Variants in FANCD2 observed in about 807,000 individuals in gnomAD.
FANCD2 encodes FA complementation group D2.
Under a neutral mutation model 192.3 loss-of-function variants are expected in FANCD2, and 131 were observed. The ratio of observed to expected loss-of-function variants is 0.68; its 90% confidence interval spans 0.59 to 0.79. The LOEUF (loss-of-function observed/expected upper bound fraction) is 0.79, where lower values mean the gene tolerates loss of function less well. Among genes scored for constraint, FANCD2 ranks in the 30% least tolerant of loss-of-function variants. The pLI is 0.00. For missense variants in FANCD2, 1,508 were observed against 1,701.6 expected, an observed-to-expected ratio of 0.89 and a Z score of 2.00; for synonymous variants, 524 against 612.5, an observed-to-expected ratio of 0.86 and a Z score of 2.13.
intron 7 of FANCD2, among the ~76,000 whole-genome samples, chr3:10,038,435 T>C (rs570051792): frequency 1.3e-5 from 2 of 152,292 alleles, no homozygotes; most frequent in East Asian, 1.9e-4. Context: ...ACTTTAGATA[T>C]AGGAGGCTCG....
intron 29 of FANCD2, among the ~76,000 whole-genome samples, chr3:10,077,615 G>A (rs1445451052): frequency 1.3e-5 from 2 of 151,970 alleles, no homozygotes; most frequent in African/African-American, 4.8e-5. Flanking sequence ...CAGGTGTGGT[G>A]GCTCATGCCT....
chr3:10,039,380 T>C, intron 8 of FANCD2, 23 bp downstream of exon 8: 1 of 1,578,016 alleles, frequency 6.3e-7, no homozygotes, highest in Non-Finnish European at 8.7e-7. Context: ...ACTTTATCTC[T>C]TGAATTTAAA....
Position 10,101,817 on chromosome 3 carries a change from C to T in FANCD2, c.*555C>T, listed in dbSNP as rs940453640. ...GGATAAACCCAGCTGTGCTACACTG[C>T]AGAGTAAAATCTCTGAGTCATGATT... On this transcript the variant is annotated 3_prime_UTR_variant, in exon 44 of 44. Transcript: ENST00000675286. 3.6e-5 allele frequency: 7 copies of T among 194,198 alleles called. No homozygotes were observed. Among genetic ancestry groups the T allele is most frequent in the Non-Finnish European group, 6.4e-5 (6 of 93,212 alleles). 12.0% of individuals were successfully genotyped at this position (194,198 alleles called of 1,614,324 possible). A position where few individuals can be genotyped will look rare whatever the true frequency, so the allele number is the denominator to read the frequency against.
rs1320316355 is a variant in FANCD2 at position 10,043,476 on chromosome 3, A to G, written c.990-8A>G. 6.2e-7 allele frequency: 1 copy of G among 1,608,662 alleles called. No homozygotes were observed. The highest frequency in any genetic ancestry group is 1.7e-5 in the Admixed American group (1 of 60,006). On this transcript the variant is annotated splice_region_variant and splice_polypyrimidine_tract_variant and intron_variant, in intron 12 of 43. Coordinates refer to ENST00000675286, the MANE Select transcript of FANCD2 (RefSeq NM_001018115.3). ...AAGAGTAATTTTTTTCCTCTCTGCT[A>G]CTTGTAGTTCCTCAGGAAATCAAGA...
chr3:10,034,673 T>G, intron 4 of FANCD2, 22 bp from the exon 5 acceptor site: 2 of 1,522,596 alleles, frequency 1.3e-6, no homozygotes, highest in Non-Finnish European at 1.8e-6. Flanking sequence ...TTATTCTTTT[T>G]TATTTTTTAA....
At chr3:10,054,363 ATATACGTGTATATACATATATATATG>A (rs1559383008) in intron 18 of FANCD2, among the ~76,000 whole-genome samples, 27 of 109,242 alleles carry the variant, frequency 2.5e-4, no homozygotes, top group African/African-American at 1.4e-3. Flanking sequence ...GTATATATAT[ATATACGTGTATATACATATATATATG>A]TATATACGTA....
At chr3:10,050,998 A>G (rs1428397410) in intron 17 of FANCD2, among the ~76,000 whole-genome samples, 1 of 152,004 alleles carries the variant, frequency 6.6e-6, no homozygotes, top group African/African-American at 2.4e-5. Context: ...AGGCAGGAGA[A>G]TCACTTGAAC....
chr3:10,096,903 C>T (rs761479186), intron 42 of FANCD2, among the ~76,000 whole-genome samples: 19 of 152,072 alleles, frequency 1.2e-4, no homozygotes, highest in East Asian at 1.9e-4. Flanking sequence ...GGACCTGCCC[C>T]GATAATCACG....
rs1270175347 is a variant in FANCD2, at chr3:10,064,828, C to G, written c.2121C>G (p.Asp707Glu). The G allele has an allele frequency of 1.9e-6, 3 of 1,613,808 alleles. No homozygotes were observed. The highest frequency in any genetic ancestry group is 2.7e-5 in the African/African-American group (2 of 74,924). Residue 707 changes from aspartate to glutamate, a missense_variant, in exon 23 of 44, where the codon GAC becomes GAG. Asp to Glu is a conservative substitution (Grantham distance 45). This residue lies in a region of FANCD2 where 796 missense variants were observed against 879.4 expected (regional missense o/e 0.91). Coordinates refer to ENST00000675286, the MANE Select transcript of FANCD2 (RefSeq NM_001018115.3). Reference protein sequence around the residue: ...INLLPLLFSQDFAKDGGPVTS... With the variant: ...INLLPLLFSQEFAKDGGPVTS... The stretch of plus-strand genomic sequence containing the variant: ...TCCTGCCGCTGCTGTTTTCTCAGGA[C>G]TTTGCAAAAGATGGGGGTCCGGTGA...
chr3:10,030,513 C>G (rs2086565844), intron 2 of FANCD2, among the ~76,000 whole-genome samples: 2 of 152,150 alleles, frequency 1.3e-5, no homozygotes, highest in African/African-American at 4.8e-5. Context: ...TTGGTCAATT[C>G]AACCGAAATA....
Position 10,052,367 on chromosome 3 carries a change from T to C in FANCD2, c.1546-20T>C. On this transcript the variant is annotated intron_variant, in intron 17 of 43. Coordinates refer to ENST00000675286, the MANE Select transcript of FANCD2 (RefSeq NM_001018115.3). Reference sequence around the variant, plus strand: ...AAATGTTAGCTGCTAGCCTCATTGTTGGCATCATTTTTTCCACAGGGCATT... The same window carrying C: ...AAATGTTAGCTGCTAGCCTCATTGTCGGCATCATTTTTTCCACAGGGCATT... The C allele has an allele frequency of 6.9e-7, 1 of 1,442,502 alleles. No homozygotes were observed. Among genetic ancestry groups the C allele is most frequent in the Non-Finnish European group, 9.8e-7 (1 of 1,023,474 alleles). 89.4% of individuals were successfully genotyped at this position (1,442,502 alleles called of 1,614,324 possible).
intron 2 of FANCD2, 98 bp from the exon 3 acceptor site, chr3:10,032,734 G>T: frequency 9.7e-7 from 1 of 1,026,342 alleles, no homozygotes. Context: ...AATTTTTAAG[G>T]ACACATCAGT....
chr3:10,095,064 C>G, intron 40 of FANCD2, 136 bp from the exon 41 acceptor site: 2 of 733,420 alleles, frequency 2.7e-6, no homozygotes, highest in Non-Finnish European at 4.8e-6. Flanking sequence ...ATTTGAGAGG[C>G]AAATTAAGAT....
chr3:10,032,978 AT>A lies in FANCD2; in HGVS notation c.205+10del. On this transcript the variant is annotated splice_region_variant and intron_variant, in intron 3 of 43. Coordinates refer to ENST00000675286, the MANE Select transcript of FANCD2 (RefSeq NM_001018115.3). Reference sequence around the variant, plus strand: ...AGAGAGTCAGAATCAACTAGGTAATATTTTAATCTAATTTTATTCTCTGGGT... The same window carrying A: ...AGAGAGTCAGAATCAACTAGGTAATATTTAATCTAATTTTATTCTCTGGGT... 1 of 1,555,830 alleles carries A rather than the reference AT, an allele frequency of 6.4e-7. No individual in the cohort carries two copies. Among genetic ancestry groups the A allele is most frequent in the Non-Finnish European group, 8.9e-7 (1 of 1,127,546 alleles).
chr3:10,078,050 C>A, intron 29 of FANCD2, 31 bp from the exon 30 acceptor site: 1 of 1,399,826 alleles, frequency 7.1e-7, no homozygotes, highest in Non-Finnish European at 1.0e-6. Flanking sequence ...CTAGGACATT[C>A]CTGGAACTAA....
In FANCD2 at chr3:10,073,170, A is replaced by G. The variant is rs55863920; in HGVS notation, c.2606-83A>G. 1.0e-5 allele frequency: 12 copies of G among 1,155,592 alleles called. No individual in the cohort carries two copies. The East Asian group carries it at 2.9e-4, about 28-fold the overall frequency. The allele number at this position is 1,155,592 out of a possible 1,614,324, so 71.6% of individuals were successfully genotyped here. On this transcript the variant is annotated intron_variant, in intron 27 of 43. Transcript: ENST00000675286. ...CTCTTCTACCTCTAGGCAGTTTCCA[A>G]CAGGTTGTTTTCTGAGGGCAATGAT...
intron 29 of FANCD2, among the ~76,000 whole-genome samples, chr3:10,075,790 G>C (rs1458600124): frequency 6.9e-6 from 1 of 144,136 alleles, no homozygotes; most frequent in African/African-American, 2.7e-5. Context: ...GAGTGCGGTG[G>C]TGGGATCTTG....
chr3:10,095,278 A>C lies in FANCD2; in HGVS notation c.4038+4A>C, dbSNP rs1694886163. The C allele has an allele frequency of 1.2e-6, 2 of 1,613,786 alleles. No individual in the cohort carries two copies. The highest frequency in any genetic ancestry group is 2.2e-5 in the East Asian group (1 of 44,886). On this transcript the variant is annotated splice_donor_region_variant and intron_variant, in intron 41 of 43. Transcript: ENST00000675286. ...TCACCTGTGTGGGCATTCCAAGGTA[A>C]GAAGGGGAGCAGGTTCTATCAGCAG...
rs1693356065 is a variant in FANCD2 at position 10,073,340 on chromosome 3, C to G, written c.2693C>G (p.Ser898Cys). The stretch of plus-strand genomic sequence containing the variant: ...AATTCAGAATGTGACCCTACGCCAT[C>G]TCATAGAGGCCAGCTAAACAAGGTA... Reference protein sequence around the residue: ...EKNSECDPTPSHRGQLNKEFT... With the variant: ...EKNSECDPTPCHRGQLNKEFT... The change falls in exon 28 of 44, where the codon TCT becomes TGT. Residue 898 changes from serine (S) to cysteine (C), a missense_variant. By Grantham distance (112) the Ser-to-Cys change is moderately radical. Around this residue, in one of 5 missense-constraint regions of FANCD2, gnomAD observed 796 missense variants for 879.4 expected, o/e 0.91. Transcript: ENST00000675286. 9.9e-6 allele frequency: 16 copies of G among 1,612,446 alleles called. No individual in the cohort carries two copies. Among genetic ancestry groups the G allele is most frequent in the Non-Finnish European group, 1.3e-5 (15 of 1,178,480 alleles).
Sources: gnomAD v4.1 joint callset for allele counts (sites outside exome capture counted in the v4.1 genomes callset) on GRCh38, gnomAD v4.1.1 for gene constraint, gnomAD v4.1.1 regional missense constraint, MANE v1.5 for transcripts, NCBI Gene and HGNC (gene_info 2026-07-23, HGNC 2026-07-21) for gene names.